Variants in ZNF780A observed in about 807,000 individuals in gnomAD.
ZNF780A encodes the protein zinc finger protein 780A.
ZNF780A carries 40 observed loss-of-function variants against 56.7 expected under a neutral mutation model. The observed-to-expected ratio is 0.71, with a 90% CI of 0.55 to 0.92. ZNF780A has a LOEUF of 0.92. ZNF780A is among the 40% of genes least tolerant of loss of function. The probability of loss-of-function intolerance (pLI) is 0.00; values close to 1 mark genes in which losing one functional copy is unlikely to be tolerated. For missense variants in ZNF780A, 672 were observed against 783.3 expected, an observed-to-expected ratio of 0.86 and a Z score of 1.70; for synonymous variants, 231 against 248.3, an observed-to-expected ratio of 0.93 and a Z score of 0.66.
intron 2 of ZNF780A, among the ~76,000 whole-genome samples, chr19:40,089,030 T>C (rs1395416523): frequency 1.3e-5 from 2 of 152,128 alleles, no homozygotes; most frequent in Non-Finnish European, 2.9e-5. Flanking sequence ...AGGAGGGCAG[T>C]GTTGACTGGG....
At chr19:40,088,819 T>C (rs1488910823) in intron 2 of ZNF780A, among the ~76,000 whole-genome samples, 1 of 152,188 alleles carries the variant, frequency 6.6e-6, no homozygotes, top group African/African-American at 2.4e-5. Flanking sequence ...CACAAGGGAA[T>C]ACTATTTAGC....
In ZNF780A at chr19:40,074,654, A is replaced by C. The variant is rs1266717150; in HGVS notation, c.1788T>G (p.Leu596=). 6.2e-7 allele frequency: 1 copy of C among 1,613,550 alleles called. No individual in the cohort carries two copies. Among genetic ancestry groups the C allele is most frequent in the Non-Finnish European group, 8.5e-7 (1 of 1,179,750 alleles). ...TCTGATGTCGAATAAGTTGCATATG[A>C]AGTCGAAAGGCTTTCCCACACTCCT... ...ECKECGKAFR[L]HMQLIRHQKL... Residue 596 remains leucine, a synonymous_variant, in exon 6 of 6, where the codon CTT becomes CTG. Coordinates refer to ENST00000683561, the MANE Select transcript of ZNF780A (RefSeq NM_001142578.2).
rs905328730 is a variant in ZNF780A, at chr19:40,073,773, C to T, written c.*743G>A. The T allele has an allele frequency of 7.1e-6, 7 of 986,592 alleles. No homozygotes were observed. The South Asian group carries it at 3.3e-4, about 46-fold the overall frequency. 61.1% of individuals were successfully genotyped at this position (986,592 alleles called of 1,614,324 possible). ...ACATTCTTTTATGTTCACAAGATTT[C>T]TCATCAATATGAGCTCTCTGGTGTT... On this transcript the variant is annotated 3_prime_UTR_variant, in exon 6 of 6. Coordinates refer to ENST00000683561, the MANE Select transcript of ZNF780A (RefSeq NM_001142578.2).
intron 5 of ZNF780A, among the ~76,000 whole-genome samples, chr19:40,080,739 G>C (rs1285623423): frequency 1.3e-5 from 2 of 152,074 alleles, no homozygotes; most frequent in African/African-American, 4.8e-5. Context: ...TATTACCGGG[G>C]TGGTGAAATA....
chr19:40,075,499 G>GA lies in ZNF780A; in HGVS notation c.942dup (p.Arg315SerfsTer8), dbSNP rs1974067957. ...TGTTCAATAAGTTGGTAATGATATCGAAAGGCCATCCCACATTCCTTACAT... is the reference window on the plus strand; with the variant it reads ...TGTTCAATAAGTTGGTAATGATATCGAAAAGGCCATCCCACATTCCTTACAT... On this transcript the variant is annotated frameshift_variant, in exon 6 of 6. Coordinates refer to ENST00000683561, the MANE Select transcript of ZNF780A (RefSeq NM_001142578.2). LOFTEE classifies it high-confidence loss of function. The GA allele has an allele frequency of 6.2e-7, 1 of 1,610,930 alleles. No individual in the cohort carries two copies. The highest frequency in any genetic ancestry group is 1.4e-5 in the African/African-American group (1 of 73,812).
intron 4 of ZNF780A, among the ~76,000 whole-genome samples, chr19:40,082,643 G>A (rs1974542337): frequency 6.6e-6 from 1 of 152,150 alleles, no homozygotes; most frequent in South Asian, 2.1e-4. Flanking sequence ...AGGCTGGAGT[G>A]CAGTGATGGG....
rs1974020357 is a variant in ZNF780A at position 40,075,029 on chromosome 19, C to T, written c.1413G>A (p.Lys471=). The T allele has an allele frequency of 1.2e-6, 2 of 1,613,874 alleles. No homozygotes were observed. The highest frequency in any genetic ancestry group is 1.3e-5 in the African/African-American group (1 of 74,906). ...IEHSRIHTGD[K]PFECQDCGKA... The stretch of plus-strand genomic sequence containing the variant: ...TCCCACAGTCTTGACATTCAAATGG[C>T]TTGTCACCAGTATGAATTCGAGAAT... Residue 471 remains lysine (K), a synonymous_variant, in exon 6 of 6, where the codon AAG becomes AAA. Coordinates refer to ENST00000683561, the MANE Select transcript of ZNF780A (RefSeq NM_001142578.2).
intron 3 of ZNF780A, among the ~76,000 whole-genome samples, chr19:40,084,302 T>C (rs769849559): frequency 1.3e-5 from 2 of 152,162 alleles, no homozygotes; most frequent in African/African-American, 4.8e-5. Context: ...AAAAGCCTCA[T>C]AAAGCAGATC....
Position 40,075,912 on chromosome 19 carries a change from C to T in ZNF780A, c.530G>A (p.Ser177Asn). The change falls in exon 6 of 6, where the codon AGT becomes AAT. Residue 177 changes from serine (S) to asparagine (N), a missense_variant. Physicochemically the swap from Ser to Asn is conservative, Grantham distance 46 (BLOSUM62 1). Coordinates refer to ENST00000683561, the MANE Select transcript of ZNF780A (RefSeq NM_001142578.2). ...ACTCTGATGCTGAATAAGATTTGCA[C>T]TACGACTAAAGTATTTCCCACATTC... ...CKECGKYFSR[S>N]ANLIQHQSIH... The T allele has an allele frequency of 6.2e-7, 1 of 1,614,096 alleles. No homozygotes were observed. The highest frequency in any genetic ancestry group is 8.5e-7 in the Non-Finnish European group (1 of 1,179,984).
chr19:40,086,722 G>A (rs1463126357), intron 2 of ZNF780A, among the ~76,000 whole-genome samples: 1 of 151,792 alleles, frequency 6.6e-6, no homozygotes, highest in African/African-American at 2.4e-5. Flanking sequence ...TGGGGGGCAG[G>A]GGTGGAGTCT....
rs117371296 is a variant in ZNF780A at position 40,087,357 on chromosome 19, A to C, written c.-45-2559T>G. On this transcript the variant is annotated intron_variant, in intron 2 of 5. Transcript: ENST00000683561. ...AGCATTCCTGACCTCTATCCATTAG[A>C]TCTAAGTAGCACCCTCCCCGACAGC... 9.0e-3 allele frequency among the ~76,000 whole-genome samples: 1,369 copies of C among 152,232 alleles called. 23 individuals are homozygous for C. Among genetic ancestry groups the C allele is most frequent in the Non-Finnish European group, 0.014 (960 of 68,008 alleles).
At chr19:40,090,300 A>G (rs24136) in intron 1 of ZNF780A, 65 bp from the exon 2 acceptor site, 14,290 of 152,118 alleles carry the variant, frequency 0.094, 1,208 homozygotes, top group East Asian at 0.22. Flanking sequence ...AAGTTTGAAA[A>G]CACCCTCCCT....
In ZNF780A at chr19:40,074,309, T is replaced by G. The variant is rs1973948170; in HGVS notation, c.*207A>C. On this transcript the variant is annotated 3_prime_UTR_variant, in exon 6 of 6. Transcript: ENST00000683561. ...TGTGAATTTGGTAATGTTAAATAAG[T>G]GGTAATGATATCTAAAGGTCGTCCT... 2.0e-6 allele frequency: 3 copies of G among 1,504,204 alleles called. No individual in the cohort carries two copies. The highest frequency in any genetic ancestry group is 1.8e-6 in the Non-Finnish European group (2 of 1,129,480). 93.2% of individuals were successfully genotyped at this position (1,504,204 alleles called of 1,614,324 possible).
intron 5 of ZNF780A, among the ~76,000 whole-genome samples, chr19:40,081,293 G>A (rs1239052781): frequency 6.6e-6 from 1 of 151,982 alleles, no homozygotes; most frequent in Non-Finnish European, 1.5e-5. Context: ...AGGGCTTTGG[G>A]AGGCCGAGGC....
intron 5 of ZNF780A, among the ~76,000 whole-genome samples, chr19:40,076,576 T>C (rs1217455850): frequency 6.6e-6 from 1 of 152,164 alleles, no homozygotes; most frequent in Non-Finnish European, 1.5e-5. Flanking sequence ...CCAAATATAC[T>C]GGCATATACA....
chr19:40,089,279 C>T (rs548642839), intron 2 of ZNF780A: 1 of 1,422,950 alleles, frequency 7.0e-7, no homozygotes, highest in Non-Finnish European at 9.3e-7. Context: ...TCATGTTGCA[C>T]ATGATAAATA....
At chr19:40,081,192 G>A (rs1425552481) in intron 5 of ZNF780A, among the ~76,000 whole-genome samples, 1 of 150,502 alleles carries the variant, frequency 6.6e-6, no homozygotes, top group Non-Finnish European at 1.5e-5. Flanking sequence ...CTATTTCTCT[G>A]ACAAGAGACT....
chr19:40,084,891 C>A, intron 2 of ZNF780A, 93 bp from the exon 3 acceptor site: 2 of 1,403,460 alleles, frequency 1.4e-6, no homozygotes, highest in South Asian at 1.3e-5. Context: ...CTCAACTACT[C>A]CTGCTAACAC....
At chr19:40,072,876 C>A, downstream of ZNF780A, 1 of 1,545,962 alleles carries the variant, frequency 6.5e-7, no homozygotes, top group South Asian at 1.2e-5. Flanking sequence ...TTCCAGGCTA[C>A]AATACACTAA....
Sources: allele counts gnomAD v4.1 joint callset (sites outside exome capture counted in the v4.1 genomes callset), GRCh38; gene constraint gnomAD v4.1.1; transcripts MANE v1.5; gene names NCBI Gene and HGNC (gene_info 2026-07-23, HGNC 2026-07-21).